ART4: variants seen among roughly 807,000 people sequenced by gnomAD.
The protein encoded by ART4 is ecto-ADP-ribosyltransferase 4.
In ART4, 14 loss-of-function variants were observed where a neutral mutation model predicts 24.2. The observed-to-expected ratio is 0.58, with a 90% CI of 0.38 to 0.90. The LOEUF is 0.90. Among genes scored for constraint, ART4 ranks in the 40% least tolerant of loss-of-function variants. ART4 has a pLI of 0.00. For synonymous variants in ART4, 145 were observed against 139.9 expected, an observed-to-expected ratio of 1.04 and a Z score of -0.26; for missense variants, 356 against 366.6, an observed-to-expected ratio of 0.97 and a Z score of 0.24.
chr12:14,830,119 AGT>A (rs113436435), intron 2 of ART4, among the ~76,000 whole-genome samples: 3,686 of 145,424 alleles, frequency 0.025, 87 homozygotes, highest in African/African-American at 0.067. Flanking sequence ...TCCTGTTTGG[AGT>A]GTGTGTGTGT....
At chr12:14,831,258 C>G (rs1464409996) in intron 2 of ART4, among the ~76,000 whole-genome samples, 2 of 146,978 alleles carry the variant, frequency 1.4e-5, no homozygotes, top group African/African-American at 5.1e-5. Flanking sequence ...CCCTCACTGG[C>G]CATTCCTTCT....
chr12:14,829,774 A>T (rs902948009), intron 2 of ART4, among the ~76,000 whole-genome samples: 1 of 152,184 alleles, frequency 6.6e-6, no homozygotes, highest in African/African-American at 2.4e-5. Context: ...CTTAATTATC[A>T]TCATCTTCAT....
rs376869653 is a variant in ART4, at chr12:14,829,358, C to T, written c.*13G>A. On this transcript the variant is annotated 3_prime_UTR_variant, in exon 3 of 3. Transcript: ENST00000228936. ...AAATATTTTTTTTAAATAAAAGGAG[C>T]CACAAGATTTCTTTATACTCTGCTT... The T allele has an allele frequency of 2.3e-5, 35 of 1,500,274 alleles. No homozygotes were observed. The highest frequency in any genetic ancestry group is 2.9e-5 in the Non-Finnish European group (32 of 1,120,276). 92.9% of individuals were successfully genotyped at this position (1,500,274 alleles called of 1,614,324 possible).
chr12:14,841,844 G>A (rs1367132007), intron 1 of ART4, among the ~76,000 whole-genome samples: 1 of 152,192 alleles, frequency 6.6e-6, no homozygotes, highest in African/African-American at 2.4e-5. Context: ...TAAGATTCTT[G>A]TCATGGGGAA....
chr12:14,832,388 C>T (rs141890283), intron 2 of ART4, among the ~76,000 whole-genome samples: 146 of 152,250 alleles, frequency 9.6e-4, no homozygotes, highest in African/African-American at 3.2e-3. Flanking sequence ...CTCCTTTCAA[C>T]CTTGGCTCAA....
chr12:14,839,008 A>T (rs892350335), intron 2 of ART4, among the ~76,000 whole-genome samples: 4 of 151,606 alleles, frequency 2.6e-5, no homozygotes, highest in Non-Finnish European at 5.9e-5. Context: ...TGTTTTTCTT[A>T]AAAAAAGTTT....
chr12:14,829,333 A>G lies in ART4; in HGVS notation c.*38T>C. The G allele has an allele frequency of 1.5e-6, 2 of 1,350,454 alleles. 1 individual carries two copies. The highest frequency in any genetic ancestry group is 4.7e-5 in the Admixed American group (2 of 42,212). The allele number at this position is 1,350,454 out of a possible 1,614,324, so 83.7% of individuals were successfully genotyped here. On this transcript the variant is annotated 3_prime_UTR_variant, in exon 3 of 3. Transcript: ENST00000228936. ...AAGGCCAATAAAAAAGATTTTATTT[A>G]AATATTTTTTTTAAATAAAAGGAGC...
chr12:14,842,422 C>G (rs1863065001), intron 1 of ART4, among the ~76,000 whole-genome samples: 1 of 152,186 alleles, frequency 6.6e-6, no homozygotes, highest in South Asian at 2.1e-4. Context: ...TAACCAATAA[C>G]TCTTCACATC....
chr12:14,836,298 T>G (rs1462086873), intron 2 of ART4, among the ~76,000 whole-genome samples: 2 of 152,064 alleles, frequency 1.3e-5, no homozygotes, highest in Non-Finnish European at 2.9e-5. Context: ...ATCTCCAAGA[T>G]CACTATTCTT....
intron 2 of ART4, among the ~76,000 whole-genome samples, chr12:14,837,104 G>A (rs962005830): frequency 3.3e-5 from 5 of 151,924 alleles, no homozygotes; most frequent in Admixed American, 2.0e-4. Flanking sequence ...CCCAAACAAC[G>A]GGATGATTCA....
rs745437372 is a variant in ART4 at position 14,829,066 on chromosome 12, A to G, written c.*305T>C. On this transcript the variant is annotated 3_prime_UTR_variant, in exon 3 of 3. Coordinates refer to ENST00000228936, the MANE Select transcript of ART4 (RefSeq NM_021071.4). ...CTTTGTGTCCATGAAGAAGAAATAT[A>G]CTGATTGGCTAAGGCCTGAGTTACA... 4.0e-5 allele frequency: 8 copies of G among 202,380 alleles called. No homozygotes were observed. The highest frequency in any genetic ancestry group is 6.8e-5 in the Non-Finnish European group (7 of 102,648). The allele number at this position is 202,380 out of a possible 1,614,324, so 12.5% of individuals were successfully genotyped here. A position where few individuals can be genotyped will look rare whatever the true frequency, so the allele number is the denominator to read the frequency against.
chr12:14,837,304 C>T (rs1950437342), intron 2 of ART4, among the ~76,000 whole-genome samples: 2 of 152,056 alleles, frequency 1.3e-5, no homozygotes, highest in Non-Finnish European at 2.9e-5. Flanking sequence ...GAATATCTTC[C>T]CTTCTTCAAA....
At chr12:14,831,700 C>G (rs746970239) in intron 2 of ART4, among the ~76,000 whole-genome samples, 21 of 152,122 alleles carry the variant, frequency 1.4e-4, no homozygotes, top group Admixed American at 3.3e-4. Context: ...CACCCATAAC[C>G]CACTGACCTC....
intron 1 of ART4, among the ~76,000 whole-genome samples, chr12:14,841,578 C>A (rs11056202): frequency 6.6e-6 from 1 of 151,920 alleles, no homozygotes; most frequent in Non-Finnish European, 1.5e-5. Flanking sequence ...AAATTAAATC[C>A]TTGAACTTTA....
rs544901965 is a variant in ART4, at chr12:14,825,726, C to G, written c.*3645G>C. On this transcript the variant is annotated 3_prime_UTR_variant, in exon 3 of 3. Transcript: ENST00000228936. ...TATTAGACAACTCAGTACAAGAATC[C>G]TGATTCTTCTAGCAAAACAAACTTT... is the stretch of plus-strand genomic sequence containing the variant. 7.2e-5 allele frequency: 11 copies of G among 152,144 alleles called. No homozygotes were observed. The East Asian group carries it at 1.9e-3, about 27-fold the overall frequency. 9.4% of individuals were successfully genotyped at this position (152,144 alleles called of 1,614,324 possible).
intron 2 of ART4, among the ~76,000 whole-genome samples, chr12:14,829,683 AC>A (rs1950381307): frequency 6.6e-6 from 1 of 152,200 alleles, no homozygotes; most frequent in African/African-American, 2.4e-5. Flanking sequence ...CTCCCAGGTA[AC>A]CCAGCCAGCT....
Position 14,840,906 on chromosome 12 carries a change from T to C in ART4, c.392A>G (p.Asn131Ser). 6.2e-7 allele frequency: 1 copy of C among 1,614,232 alleles called. No homozygotes were observed. The highest frequency in any genetic ancestry group is 8.5e-7 in the Non-Finnish European group (1 of 1,180,038). Reference sequence around the variant, plus strand: ...GGCTCTAGTAAAGTCAGAATGAACATTGCTGTTCAATGTATAAAACAAAAT... The same window carrying C: ...GGCTCTAGTAAAGTCAGAATGAACACTGCTGTTCAATGTATAAAACAAAAT... Reference protein sequence around the residue: ...VAILFYTLNSNVHSDFTRAMA... With the variant: ...VAILFYTLNSSVHSDFTRAMA... The change falls in exon 2 of 3, where the codon AAT (asparagine) becomes AGT (serine). Residue 131 changes from asparagine to serine, a missense_variant. By Grantham distance (46) the Asn-to-Ser change is conservative. Transcript: ENST00000228936.
intron 1 of ART4, among the ~76,000 whole-genome samples, chr12:14,841,948 A>C (rs890294904): frequency 6.6e-5 from 10 of 152,168 alleles, no homozygotes; most frequent in African/African-American, 2.4e-4. Flanking sequence ...TTCCCATGTT[A>C]CCAGTCAAGT....
At chr12:14,836,891 T>G (rs1950434705) in intron 2 of ART4, among the ~76,000 whole-genome samples, 1 of 152,220 alleles carries the variant, frequency 6.6e-6, no homozygotes, top group South Asian at 2.1e-4. Context: ...AAAGAAAATA[T>G]TAAGTTGAGA....
Sources: gnomAD v4.1 joint callset for allele counts (sites outside exome capture counted in the v4.1 genomes callset) on GRCh38, gnomAD v4.1.1 for gene constraint, MANE v1.5 for transcripts, NCBI Gene and HGNC (gene_info 2026-07-23, HGNC 2026-07-21) for gene names.